The following IMMP2L variants were observed in gnomAD, a reference collection of about 807,000 sequenced individuals.
IMMP2L encodes mitochondrial inner membrane protease subunit 2.
A neutral mutation model predicts 19.3 loss-of-function variants in IMMP2L; 18 were observed. The observed-to-expected ratio is 0.93, with a 90% CI of 0.64 to 1.38. The LOEUF (loss-of-function observed/expected upper bound fraction) is 1.38. Among genes scored for constraint, IMMP2L ranks in the 40% most tolerant of loss-of-function variants. IMMP2L has a pLI of 0.00. For synonymous variants in IMMP2L, 76 were observed against 73.0 expected (o/e 1.04, Z -0.21); for missense variants, 233 against 218.2 (o/e 1.07, Z -0.43).
At chr7:110,781,584 C>G (rs1799748717) in intron 5 of IMMP2L, among the ~76,000 whole-genome samples, 1 of 151,484 alleles carries the variant, frequency 6.6e-6, no homozygotes. Context: ...TCCAAGAAAA[C>G]CATGCATAGA....
At chr7:111,065,671 C>A (rs529214007) in intron 3 of IMMP2L, among the ~76,000 whole-genome samples, 23 of 152,330 alleles carry the variant, frequency 1.5e-4, no homozygotes, top group Non-Finnish European at 2.4e-4. Flanking sequence ...CAGCCTACAT[C>A]TTTCTCCTGT....
rs370211119 is a variant in IMMP2L at position 111,440,806 on chromosome 7, G to A, written c.239+46432C>T. ...TCTTCTTCCTATATAAAGCTGTTTC[G>A]TCTAGCTTAAAAATCTGCTGTGTAG... On this transcript the variant is annotated intron_variant, in intron 3 of 5. Transcript: ENST00000405709. 3.2e-4 allele frequency among the ~76,000 whole-genome samples: 48 copies of A among 151,942 alleles called. 1 individual carries two copies. Among genetic ancestry groups the A allele is most frequent in the African/African-American group, 1.0e-3 (42 of 41,288 alleles).
At chr7:110,952,843 AT>A (rs1817973445) in intron 4 of IMMP2L, among the ~76,000 whole-genome samples, 1 of 152,264 alleles carries the variant, frequency 6.6e-6, no homozygotes, top group South Asian at 2.1e-4. Flanking sequence ...AATATAAAAA[AT>A]ATTGAATAAT....
chr7:110,882,746 T>G (rs117286316), intron 5 of IMMP2L, among the ~76,000 whole-genome samples: 2,046 of 149,786 alleles, frequency 0.014, 23 homozygotes, highest in Admixed American at 0.031. Context: ...GAATCTACTG[T>G]TTTTTTTTGT....
chr7:111,360,981 T>C (rs1309503166), intron 3 of IMMP2L, among the ~76,000 whole-genome samples: 1 of 152,058 alleles, frequency 6.6e-6, no homozygotes, highest in Non-Finnish European at 1.5e-5. Context: ...ATTTTCTCAA[T>C]CTTAATTTCC....
intron 5 of IMMP2L, among the ~76,000 whole-genome samples, chr7:110,865,469 T>C (rs1807889619): frequency 6.6e-6 from 1 of 152,130 alleles, no homozygotes; most frequent in Non-Finnish European, 1.5e-5. Flanking sequence ...TTATAAAACA[T>C]TGTTTGAAGC....
At chr7:111,402,123 AAATAAT>A (rs59071691) in intron 3 of IMMP2L, among the ~76,000 whole-genome samples, 11,692 of 137,202 alleles carry the variant, frequency 0.085, 571 homozygotes, top group African/African-American at 0.13. Context: ...CCCATCTCAA[AAATAAT>A]AATAATAATA....
intron 5 of IMMP2L, among the ~76,000 whole-genome samples, chr7:110,865,153 AC>A (rs1220354881): frequency 6.6e-6 from 1 of 152,034 alleles, no homozygotes; most frequent in Non-Finnish European, 1.5e-5. Context: ...AAAAGATTAT[AC>A]GTGTCAGGAA....
rs182648625 is a variant in IMMP2L, at chr7:111,156,065, A to G, written c.240-192500T>C. ...TTTGTGCCTTTTCATTGCTCTATAGAATTTAATTTTATATCTACAAGATTT... is the reference window on the plus strand; with the variant it reads ...TTTGTGCCTTTTCATTGCTCTATAGGATTTAATTTTATATCTACAAGATTT... On this transcript the variant is annotated intron_variant, in intron 3 of 5. Coordinates refer to ENST00000405709, the MANE Select transcript of IMMP2L (RefSeq NM_032549.4). 1.5e-3 allele frequency among the ~76,000 whole-genome samples: 230 copies of G among 151,880 alleles called. 1 individual carries two copies. The highest frequency in any genetic ancestry group is 2.5e-3 in the Non-Finnish European group (169 of 67,998).
chr7:111,462,170 G>C (rs566863543), intron 3 of IMMP2L, among the ~76,000 whole-genome samples: 24 of 152,010 alleles, frequency 1.6e-4, no homozygotes, highest in Non-Finnish European at 2.5e-4. Context: ...AGTATAACCA[G>C]TAATTGTTTG....
intron 3 of IMMP2L, among the ~76,000 whole-genome samples, chr7:111,400,010 G>A (rs1196199366): frequency 1.3e-5 from 2 of 152,040 alleles, no homozygotes; most frequent in African/African-American, 4.8e-5. Flanking sequence ...ATTTGCCCCA[G>A]AAGTCTTTTC....
At chr7:110,798,087 C>T (rs1305303619) in intron 5 of IMMP2L, among the ~76,000 whole-genome samples, 1 of 151,806 alleles carries the variant, frequency 6.6e-6, no homozygotes, top group Non-Finnish European at 1.5e-5. Context: ...TTACAGCGGT[C>T]ATATAGTTTA....
At chr7:111,470,998 C>A (rs1435011710) in intron 3 of IMMP2L, among the ~76,000 whole-genome samples, 1 of 151,862 alleles carries the variant, frequency 6.6e-6, no homozygotes, top group Non-Finnish European at 1.5e-5. Context: ...GGCCAGAAAA[C>A]TTCAAGGAGG....
At chr7:111,483,851 A>G (rs1397452604) in intron 3 of IMMP2L, 1 of 152,212 alleles carries the variant, frequency 6.6e-6, no homozygotes, top group Non-Finnish European at 1.5e-5. Flanking sequence ...TTATTAGTAC[A>G]GGCAACTGAA....
At chr7:111,255,456 AT>A (rs972191415) in intron 3 of IMMP2L, among the ~76,000 whole-genome samples, 5 of 150,878 alleles carry the variant, frequency 3.3e-5, no homozygotes, top group Non-Finnish European at 7.4e-5. Context: ...TCATTATAGT[AT>A]TTTTTTTTAC....
In IMMP2L at chr7:110,732,367, G is replaced by A. The variant is rs532718557; in HGVS notation, c.409-68646C>T. Among the ~76,000 whole-genome samples, 3 of 152,266 alleles carry A rather than the reference G, an allele frequency of 2.0e-5. No homozygotes were observed. In the South Asian group the frequency reaches 6.2e-4, roughly 32 times the overall value. Reference sequence around the variant, plus strand: ...TTTCAGAATTTAATCAAAACAGGAAGAATACAAAGACCTAAAACAAGTCTC... The same window carrying A: ...TTTCAGAATTTAATCAAAACAGGAAAAATACAAAGACCTAAAACAAGTCTC... On this transcript the variant is annotated intron_variant, in intron 5 of 5. Coordinates refer to ENST00000405709, the MANE Select transcript of IMMP2L (RefSeq NM_032549.4).
At chr7:111,124,777 C>G (rs1331832498) in intron 3 of IMMP2L, 1 of 1,613,672 alleles carries the variant, frequency 6.2e-7, no homozygotes, top group Non-Finnish European at 8.5e-7. Flanking sequence ...CTTACAGAAA[C>G]CAACCTTTGC....
chr7:110,723,880 A>C (rs1371667857), intron 5 of IMMP2L, among the ~76,000 whole-genome samples: 1 of 151,730 alleles, frequency 6.6e-6, no homozygotes, highest in Non-Finnish European at 1.5e-5. Context: ...AAAAGAACAG[A>C]TGTCTCGGAA....
chr7:111,036,257 T>C (rs1327944959), intron 3 of IMMP2L, among the ~76,000 whole-genome samples: 2 of 152,120 alleles, frequency 1.3e-5, no homozygotes, highest in Non-Finnish European at 2.9e-5. Flanking sequence ...CTCTATAAAC[T>C]GGGCCCCTTA....
Sources: gnomAD v4.1 joint callset for allele counts (sites outside exome capture counted in the v4.1 genomes callset) on GRCh38, gnomAD v4.1.1 for gene constraint, MANE v1.5 for transcripts, NCBI Gene and HGNC (gene_info 2026-07-23, HGNC 2026-07-21) for gene names.